STK32C: variants seen among roughly 807,000 people sequenced by gnomAD.
STK32C encodes the protein serine/threonine-protein kinase 32C.
STK32C carries 31 observed loss-of-function variants against 56.5 expected under a neutral mutation model. The ratio of observed to expected loss-of-function variants is 0.55; its 90% CI spans 0.41 to 0.74. STK32C has a LOEUF of 0.74. STK32C is among the 30% of genes least tolerant of loss of function. The pLI, the probability that STK32C is intolerant of heterozygous loss-of-function variation, is 0.00. For missense variants in STK32C, 544 were observed against 676.9 expected (o/e 0.80, Z 2.18); for synonymous variants, 309 against 289.4 (o/e 1.07, Z -0.69).
At chr10:132,297,374 G>A (rs2065781175) in intron 1 of STK32C, among the ~76,000 whole-genome samples, 1 of 152,168 alleles carries the variant, frequency 6.6e-6, no homozygotes. Context: ...GGCTGTGCCT[G>A]GTTAGCCCAC....
chr10:132,305,051 G>A (rs908272016), intron 1 of STK32C, among the ~76,000 whole-genome samples: 4 of 152,236 alleles, frequency 2.6e-5, no homozygotes, highest in African/African-American at 9.6e-5. Context: ...GAGGAATGAA[G>A]GGGCTCGCCC....
intron 2 of STK32C, among the ~76,000 whole-genome samples, chr10:132,235,147 T>C (rs543943329): frequency 3.7e-4 from 56 of 152,232 alleles, no homozygotes; most frequent in African/African-American, 1.3e-3. Flanking sequence ...GTGAGTGGTG[T>C]GAGCTGTATG....
At chr10:132,309,381 C>T (rs557870287), upstream of STK32C, among the ~76,000 whole-genome samples, 1 of 151,956 alleles carries the variant, frequency 6.6e-6, no homozygotes, top group Non-Finnish European at 1.5e-5. Context: ...CTAGGACATG[C>T]ACCCACCTGG....
At chr10:132,266,610 C>T (rs529813531) in intron 1 of STK32C, among the ~76,000 whole-genome samples, 1 of 152,180 alleles carries the variant, frequency 6.6e-6, no homozygotes, top group Admixed American at 6.5e-5. Context: ...ACATGGCCTG[C>T]CCACGCCAAG....
chr10:132,286,127 A>C (rs918803743), intron 1 of STK32C, among the ~76,000 whole-genome samples: 13 of 146,606 alleles, frequency 8.9e-5, no homozygotes, highest in Admixed American at 8.8e-4. Flanking sequence ...CTCTGTCTCA[A>C]AAAAAAAAAA....
Position 132,307,945 on chromosome 10 carries a change from T to C in STK32C, c.-112A>G, listed in dbSNP as rs1232172871. On this transcript the variant is annotated 5_prime_UTR_variant, in exon 1 of 12. Coordinates refer to ENST00000298630, the MANE Select transcript of STK32C (RefSeq NM_173575.4). This position sits in a 1 kb window ranked among gnomAD's most constrained non-coding sequence, Gnocchi z 4.4. ...GGGGCCGGCAGCGCCCGCCGTGCGC[T>C]CTTCTGGGCGGTGGAACCCGCCCCG... 6 of 1,047,928 alleles carry C rather than the reference T, an allele frequency of 5.7e-6. No individual in the cohort carries two copies. The African/African-American group carries it at 1.1e-4, about 19-fold the overall frequency. The allele number at this position is 1,047,928 out of a possible 1,614,324, so 64.9% of individuals were successfully genotyped here.
intron 1 of STK32C, among the ~76,000 whole-genome samples, chr10:132,300,313 G>A (rs946672911): frequency 3.3e-5 from 5 of 152,154 alleles, no homozygotes; most frequent in Non-Finnish European, 7.4e-5. Flanking sequence ...AAATAACATC[G>A]AGATGGGTTT....
At chr10:132,278,485 G>T (rs1415822407) in intron 1 of STK32C, among the ~76,000 whole-genome samples, 2 of 152,140 alleles carry the variant, frequency 1.3e-5, no homozygotes, top group African/African-American at 2.4e-5. Context: ...ATACCGGCCG[G>T]GCGCGGTGGC....
intron 8 of STK32C, among the ~76,000 whole-genome samples, chr10:132,223,236 G>A (rs1253665727): frequency 1.3e-5 from 2 of 152,240 alleles, no homozygotes; most frequent in East Asian, 1.9e-4. Context: ...TGGCGCCAGA[G>A]GACAGCAGAG....
At chr10:132,331,816 A>G (rs147823719) in exon 1 of STK32C, 34,428 of 1,571,604 alleles carry the variant, frequency 0.022, 649 homozygotes, top group African/African-American at 0.064. Flanking sequence ...GTCGACCACC[A>G]CCCCTTCAAG....
intron 1 of STK32C, among the ~76,000 whole-genome samples, chr10:132,285,873 G>A (rs1197840454): frequency 6.6e-6 from 1 of 152,206 alleles, no homozygotes; most frequent in Non-Finnish European, 1.5e-5. Context: ...TGTAAGCCCA[G>A]CACTTTGGGA....
intron 1 of STK32C, among the ~76,000 whole-genome samples, chr10:132,272,539 G>A (rs555954732): frequency 1.3e-5 from 2 of 152,240 alleles, no homozygotes; most frequent in South Asian, 2.1e-4. Context: ...GCATGGGCTC[G>A]ACTCCTCTCT....
intron 1 of STK32C, among the ~76,000 whole-genome samples, chr10:132,317,534 C>T (rs1159982135): frequency 6.6e-6 from 1 of 152,146 alleles, no homozygotes; most frequent in Admixed American, 6.5e-5. Flanking sequence ...TGAACTCAAG[C>T]GTTCAAGACC....
intron 1 of STK32C, among the ~76,000 whole-genome samples, chr10:132,297,624 T>G (rs2065792721): frequency 6.6e-6 from 1 of 152,236 alleles, no homozygotes; most frequent in Non-Finnish European, 1.5e-5. Flanking sequence ...AAAACATCAC[T>G]TCAGACACAC....
At position 132,266,309 on chromosome 10, in the gene STK32C, T is replaced by C. The variant is rs190421274; in HGVS notation, c.263-20354A>G. Among the ~76,000 whole-genome samples the C allele has an allele frequency of 1.4e-3, 207 of 152,126 alleles. 1 individual carries two copies. The highest frequency in any genetic ancestry group is 4.5e-3 in the African/African-American group (187 of 41,508). On this transcript the variant is annotated intron_variant, in intron 1 of 11. Coordinates refer to ENST00000298630, the MANE Select transcript of STK32C (RefSeq NM_173575.4). Reference sequence around the variant, plus strand: ...ATCCACAGTGAGAAGCACAGGTTTGTCTCTGGGGGTAGGAAGGGGATGCTT... The same window carrying C: ...ATCCACAGTGAGAAGCACAGGTTTGCCTCTGGGGGTAGGAAGGGGATGCTT...
intron 1 of STK32C, among the ~76,000 whole-genome samples, chr10:132,317,569 T>C (rs2066330178): frequency 6.6e-6 from 1 of 151,982 alleles, no homozygotes; most frequent in Non-Finnish European, 1.5e-5. Flanking sequence ...ATGACATCTC[T>C]ACAAAAATTT....
chr10:132,242,278 C>T (rs2063529523), intron 2 of STK32C, among the ~76,000 whole-genome samples: 1 of 152,030 alleles, frequency 6.6e-6, no homozygotes, highest in South Asian at 2.1e-4. Flanking sequence ...GGGAGGAGGG[C>T]GGCTGAAGGC....
At chr10:132,216,839 T>C (rs754945211) in intron 10 of STK32C, among the ~76,000 whole-genome samples, 4 of 152,344 alleles carry the variant, frequency 2.6e-5, no homozygotes, top group African/African-American at 4.8e-5. Flanking sequence ...AAGTCAAGAA[T>C]TGAGGTTTGG....
At chr10:132,241,363 A>T (rs971695721) in intron 2 of STK32C, among the ~76,000 whole-genome samples, 4 of 152,266 alleles carry the variant, frequency 2.6e-5, no homozygotes, top group Non-Finnish European at 5.9e-5. Flanking sequence ...GGGAAAAGTT[A>T]GAAAATAAAG....
Sources: allele counts gnomAD v4.1 joint callset (sites outside exome capture counted in the v4.1 genomes callset), GRCh38; gene constraint gnomAD v4.1.1; non-coding constraint Gnocchi (gnomAD v3.1); transcripts MANE v1.5; gene names NCBI Gene and HGNC (gene_info 2026-07-23, HGNC 2026-07-21).